The following TBC1D32 variants were observed in gnomAD, a reference collection of about 807,000 sequenced individuals.
TBC1D32 encodes the protein TBC1 domain family member 32.
A neutral mutation model predicts 170.3 loss-of-function variants in TBC1D32; 151 were observed. The observed-to-expected ratio is 0.89, with a 90% CI of 0.78 to 1.01. The LOEUF (loss-of-function observed/expected upper bound fraction) is 1.01, where lower values mean the gene tolerates loss of function less well. Ranked by LOEUF, TBC1D32 falls within the 50% of genes least tolerant of loss-of-function variation. TBC1D32 has a pLI of 0.00. For synonymous variants in TBC1D32, 498 were observed against 488.0 expected, an observed-to-expected ratio of 1.02 and a Z score of -0.27; for missense variants, 1,464 against 1,457.1, an observed-to-expected ratio of 1.00 and a Z score of -0.08.
chr6:121,085,349 A>G (rs910001323), intron 31 of TBC1D32, among the ~76,000 whole-genome samples: 5 of 113,252 alleles, frequency 4.4e-5, no homozygotes, highest in African/African-American at 3.2e-4. Context: ...ATATATACAT[A>G]CATATATATA....
In TBC1D32 at chr6:121,202,120, G is replaced by A. The variant is rs143118585; in HGVS notation, c.2570+2955C>T. Among the ~76,000 whole-genome samples, 78 of 150,862 alleles carry A rather than the reference G, an allele frequency of 5.2e-4. No individual in the cohort carries two copies. In the East Asian group the frequency reaches 0.015, roughly 29 times the overall value. On this transcript the variant is annotated intron_variant, in intron 22 of 31. Transcript: ENST00000398212. ...GCTGAAAAGAGAGGTCTGGGCTAGA[G>A]ATATAAATGGGGGCATCTACTAGCA...
rs1254289093 is a variant in TBC1D32 at position 121,242,243 on chromosome 6, T to C, written c.2115A>G (p.Glu705=). ...ATCGATTGAATATAAATGTCACACA[T>C]TCATTGATAGCACCTGTTCTTTGAA... The part of the protein sequence containing the change: ...LLLQRTGAIN[E]CVTFIFNRYA... Residue 705 remains glutamate (E), a synonymous_variant, in exon 18 of 32, where the codon GAA becomes GAG. Transcript: ENST00000398212. 1.2e-6 allele frequency: 2 copies of C among 1,612,590 alleles called. No homozygotes were observed. Among genetic ancestry groups the C allele is most frequent in the Admixed American group, 1.7e-5 (1 of 59,832 alleles).
intron 12 of TBC1D32, among the ~76,000 whole-genome samples, chr6:121,287,153 T>C (rs886103859): frequency 2.0e-5 from 3 of 152,030 alleles, no homozygotes; most frequent in African/African-American, 7.3e-5. Flanking sequence ...CACATAACAA[T>C]ATTAACCTTA....
intron 24 of TBC1D32, among the ~76,000 whole-genome samples, chr6:121,143,806 T>C (rs1783096829): frequency 1.3e-5 from 2 of 152,144 alleles, no homozygotes; most frequent in South Asian, 4.1e-4. Context: ...TAGAAACACA[T>C]TTAGCTCTAT....
chr6:121,239,077 C>A lies in TBC1D32; in HGVS notation c.2357G>T (p.Cys786Phe). 1 of 1,573,820 alleles carries A rather than the reference C, an allele frequency of 6.4e-7. No homozygotes were observed. Among genetic ancestry groups the A allele is most frequent in the Non-Finnish European group, 8.7e-7 (1 of 1,149,982 alleles). Residue 786 changes from cysteine to phenylalanine, a missense_variant, in exon 20 of 32, where the codon TGT becomes TTT. By Grantham distance (205) the Cys-to-Phe change is radical. Coordinates refer to ENST00000398212, the MANE Select transcript of TBC1D32 (RefSeq NM_152730.6). ...AGTCAAATAACTTCTTACCTTTTGA[C>A]AGCTTCGGTCAATAGGATCCACTGG... ...TTPVDPIDRS[C>F]QKSFLALVNL...
chr6:121,315,403 T>C (rs767945006), intron 3 of TBC1D32, among the ~76,000 whole-genome samples: 3 of 152,210 alleles, frequency 2.0e-5, no homozygotes, highest in Non-Finnish European at 2.9e-5. Flanking sequence ...AATATTTTCA[T>C]AGCAATGCTC....
intron 15 of TBC1D32, among the ~76,000 whole-genome samples, chr6:121,262,297 G>T (rs1266064811): frequency 2.6e-5 from 4 of 151,984 alleles, no homozygotes; most frequent in Non-Finnish European, 5.9e-5. Flanking sequence ...GATACTCCAC[G>T]AGAAGATCAA....
intron 22 of TBC1D32, among the ~76,000 whole-genome samples, chr6:121,184,515 G>C (rs1402812379): frequency 6.6e-6 from 1 of 151,152 alleles, no homozygotes; most frequent in Non-Finnish European, 1.5e-5. Context: ...TAATATTTGG[G>C]TGTACTGCTC....
chr6:121,259,055 T>G (rs1799421307), intron 15 of TBC1D32, among the ~76,000 whole-genome samples: 1 of 151,798 alleles, frequency 6.6e-6, no homozygotes, highest in Non-Finnish European at 1.5e-5. Context: ...CCCAGCACTT[T>G]CGGAGGCAAA....
In TBC1D32 at chr6:121,136,290, T is replaced by G. The variant is rs137905193; in HGVS notation, c.2774-4538A>C. Among the ~76,000 whole-genome samples, 1,325 of 152,266 alleles carry G rather than the reference T, an allele frequency of 8.7e-3. 21 individuals carry two copies. The highest frequency in any genetic ancestry group is 0.03 in the African/African-American group (1,240 of 41,546). On this transcript the variant is annotated intron_variant, in intron 24 of 31. Transcript: ENST00000398212. The stretch of plus-strand genomic sequence containing the variant: ...TGGGTCAATCTCAAAAACATGATGC[T>G]AAGAGAAAGGAAACAGGTACAAAGA...
chr6:121,223,668 GCACTTT>G (rs1794764385), intron 20 of TBC1D32, among the ~76,000 whole-genome samples: 1 of 151,942 alleles, frequency 6.6e-6, no homozygotes, highest in African/African-American at 2.4e-5. Context: ...CTCATTCTTT[GCACTTT>G]CATATCCAAT....
At chr6:121,260,520 G>A (rs1313242610) in intron 15 of TBC1D32, among the ~76,000 whole-genome samples, 5 of 86,900 alleles carry the variant, frequency 5.8e-5, no homozygotes, top group Non-Finnish European at 1.2e-4. Flanking sequence ...GGAAGAGCAG[G>A]GTGGTATGGC....
intron 24 of TBC1D32, among the ~76,000 whole-genome samples, chr6:121,138,707 A>G (rs1051887832): frequency 1.3e-5 from 2 of 152,206 alleles, no homozygotes; most frequent in Non-Finnish European, 2.9e-5. Flanking sequence ...GGCCTAGATA[A>G]ATATTTGATA....
At chr6:121,101,410 A>C (rs189821332) in intron 30 of TBC1D32, among the ~76,000 whole-genome samples, 11 of 151,926 alleles carry the variant, frequency 7.2e-5, no homozygotes, top group Non-Finnish European at 1.3e-4. Flanking sequence ...GGCTTCATCC[A>C]TGGGATGCGA....
At chr6:121,222,428 T>G (rs1794629046) in intron 21 of TBC1D32, among the ~76,000 whole-genome samples, 1 of 152,118 alleles carries the variant, frequency 6.6e-6, no homozygotes, top group Non-Finnish European at 1.5e-5. Flanking sequence ...TAAGAGAATC[T>G]AAGTTAATGT....
At chr6:121,123,752 C>A (rs1051966257) in intron 26 of TBC1D32, among the ~76,000 whole-genome samples, 3 of 151,722 alleles carry the variant, frequency 2.0e-5, no homozygotes, top group African/African-American at 4.8e-5. Context: ...TAATAATAAC[C>A]ATTTTAATAC....
intron 17 of TBC1D32, among the ~76,000 whole-genome samples, chr6:121,251,624 C>A (rs1798302486): frequency 6.6e-6 from 1 of 152,058 alleles, no homozygotes; most frequent in African/African-American, 2.4e-5. Context: ...CTAGGCAATA[C>A]CATTCAGGAC....
chr6:121,110,097 A>C lies in TBC1D32; in HGVS notation c.3324+2408T>G, dbSNP rs989291219. Among the ~76,000 whole-genome samples the C allele has an allele frequency of 2.6e-5, 4 of 151,872 alleles. No individual in the cohort carries two copies. In the South Asian group the frequency reaches 8.3e-4, roughly 32 times the overall value. ...AAACCTGGTCTCTACTAAAAATACA[A>C]AACATTATCTGGGCGTGGTGGCAGG... On this transcript the variant is annotated intron_variant, in intron 29 of 31. Coordinates refer to ENST00000398212, the MANE Select transcript of TBC1D32 (RefSeq NM_152730.6).
intron 5 of TBC1D32, among the ~76,000 whole-genome samples, chr6:121,305,180 C>T (rs1807148744): frequency 6.6e-6 from 1 of 151,970 alleles, no homozygotes; most frequent in Non-Finnish European, 1.5e-5. Flanking sequence ...TTTTTTAACA[C>T]CCCGTATTTC....
Sources: allele counts gnomAD v4.1 joint callset (sites outside exome capture counted in the v4.1 genomes callset), GRCh38; gene constraint gnomAD v4.1.1; transcripts MANE v1.5; gene names NCBI Gene and HGNC (gene_info 2026-07-23, HGNC 2026-07-21).